Variants in TIMELESS observed in about 807,000 individuals in gnomAD.
The protein encoded by TIMELESS is timeless circadian regulator, also known as protein timeless homolog.
In TIMELESS, 124 loss-of-function variants were observed where a neutral mutation model predicts 164.3. That is an observed-to-expected ratio of 0.75 (90% confidence interval 0.65 to 0.88). TIMELESS has a LOEUF of 0.88. Ranked by LOEUF, TIMELESS falls within the 40% of genes least tolerant of loss-of-function variation. The pLI is 0.00. For missense variants in TIMELESS, 1,422 were observed against 1,491.4 expected (o/e 0.95, Z 0.77); for synonymous variants, 564 against 563.4 (o/e 1.00, Z -0.02).
At chr12:56,442,338 T>C (rs918881359) in intron 1 of TIMELESS, among the ~76,000 whole-genome samples, 2 of 152,106 alleles carry the variant, frequency 1.3e-5, no homozygotes, top group African/African-American at 4.8e-5. Context: ...GAACTGCCAG[T>C]GCAAAACCAA....
chr12:56,439,768 C>T (rs1340107794), intron 1 of TIMELESS, among the ~76,000 whole-genome samples: 3 of 152,168 alleles, frequency 2.0e-5, no homozygotes, highest in African/African-American at 7.2e-5. Context: ...TTATAAACAA[C>T]ACTCCACACA....
At chr12:56,428,832 C>G (rs766592765) in intron 11 of TIMELESS, 51 bp downstream of exon 11, 1 of 1,587,832 alleles carries the variant, frequency 6.3e-7, no homozygotes, top group East Asian at 2.2e-5. Flanking sequence ...AGCCAGAATT[C>G]AAGCATTCAG....
At chr12:56,428,157 T>C (rs1881734679) in intron 13 of TIMELESS, 79 bp downstream of exon 13, 1 of 1,411,230 alleles carries the variant, frequency 7.1e-7, no homozygotes, top group Non-Finnish European at 9.6e-7. Flanking sequence ...ACTTAAGCTG[T>C]ACAAACTGTG....
In TIMELESS at chr12:56,423,318, G is replaced by A. The variant is rs767552466; in HGVS notation, c.2248C>T (p.Leu750Phe). Reference sequence around the variant, plus strand: ...GGGTCACTAAGCAGACGATTGAAGAGGCAGAAGACTGACAGCTGAAAAAGT... The same window carrying A: ...GGGTCACTAAGCAGACGATTGAAGAAGCAGAAGACTGACAGCTGAAAAAGT... The part of the protein sequence containing the change: ...ALLFQLSVFC[L>F]FNRLLSDPAA... Residue 750 changes from leucine (L) to phenylalanine (F), a missense_variant, in exon 18 of 29, where the codon CTC becomes TTC. Transcript: ENST00000553532. 1.2e-6 allele frequency: 2 copies of A among 1,614,176 alleles called. No homozygotes were observed. The highest frequency in any genetic ancestry group is 2.2e-5 in the East Asian group (1 of 44,876).
chr12:56,444,017 C>G (rs938103666), intron 1 of TIMELESS, among the ~76,000 whole-genome samples: 1 of 151,866 alleles, frequency 6.6e-6, no homozygotes, highest in Non-Finnish European at 1.5e-5. Context: ...CTTGCCTCAG[C>G]TTCCCAAGTA....
chr12:56,424,377 G>A (rs760075194), intron 15 of TIMELESS, among the ~76,000 whole-genome samples: 2 of 152,132 alleles, frequency 1.3e-5, no homozygotes, highest in Non-Finnish European at 2.9e-5. Flanking sequence ...TTAAAGTTAA[G>A]TCCGCCCTTA....
chr12:56,443,700 C>T (rs73326269), intron 1 of TIMELESS, among the ~76,000 whole-genome samples: 11,231 of 152,152 alleles, frequency 0.074, 1,359 homozygotes, highest in African/African-American at 0.25. Context: ...CCTACCAATA[C>T]GTGATGGCAC....
intron 4 of TIMELESS, 45 bp from the exon 5 acceptor site, chr12:56,433,488 T>G: frequency 6.2e-7 from 1 of 1,614,006 alleles, no homozygotes; most frequent in Non-Finnish European, 8.5e-7. Flanking sequence ...CATCCACTTC[T>G]TCACCACTGC....
chr12:56,425,984 G>C (rs1402483155), intron 13 of TIMELESS, among the ~76,000 whole-genome samples: 20 of 152,134 alleles, frequency 1.3e-4, no homozygotes, highest in Admixed American at 1.3e-3. Flanking sequence ...CTTTGGTGTG[G>C]GTACTGAAAA....
intron 13 of TIMELESS, among the ~76,000 whole-genome samples, chr12:56,427,032 C>T (rs1181416243): frequency 1.3e-5 from 2 of 152,198 alleles, no homozygotes; most frequent in East Asian, 1.9e-4. Context: ...TCACAGCTCA[C>T]TGCATCCTCA....
At chr12:56,449,098 C>A (rs7958609) in intron 1 of TIMELESS, among the ~76,000 whole-genome samples, 4,512 of 152,340 alleles carry the variant, frequency 0.03, 240 homozygotes, top group African/African-American at 0.1. Context: ...CAGCGTAGGG[C>A]TAAGCCCGCG....
intron 1 of TIMELESS, among the ~76,000 whole-genome samples, chr12:56,446,239 T>C (rs1248118573): frequency 6.6e-6 from 1 of 152,198 alleles, no homozygotes; most frequent in South Asian, 2.1e-4. Context: ...GTTACCTGAT[T>C]TAGGCATATA....
chr12:56,423,459 C>T lies in TIMELESS; in HGVS notation c.2107G>A (p.Val703Ile). ...AGTAGCAGCACATAGGCTCGAACGA[C>T]AGTTGAACATGCAAAGCTGCACCAA... ...DYLKRFACST[V>I]VRAYVLLLRS... Residue 703 changes from valine (V) to isoleucine (I), a missense_variant, in exon 18 of 29, where the codon GTC (valine) becomes ATC (isoleucine). Val to Ile is a conservative substitution (Grantham distance 29). Coordinates refer to ENST00000553532, the MANE Select transcript of TIMELESS (RefSeq NM_003920.5). 1 of 1,614,096 alleles carries T rather than the reference C, an allele frequency of 6.2e-7. No homozygotes were observed. The highest frequency in any genetic ancestry group is 1.3e-5 in the African/African-American group (1 of 75,014).
At chr12:56,446,698 G>A (rs1868355112) in intron 1 of TIMELESS, among the ~76,000 whole-genome samples, 2 of 152,066 alleles carry the variant, frequency 1.3e-5, no homozygotes, top group Non-Finnish European at 2.9e-5. Context: ...CAGGTGTGGT[G>A]GTGGGTGCCT....
At chr12:56,439,854 T>C (rs1188824972) in intron 1 of TIMELESS, among the ~76,000 whole-genome samples, 1 of 152,230 alleles carries the variant, frequency 6.6e-6, no homozygotes, top group African/African-American at 2.4e-5. Context: ...TAAAATACTG[T>C]CCTTCAAATT....
At position 56,428,225 on chromosome 12, in the gene TIMELESS, C is replaced by A; in HGVS notation, c.1578+11G>T. On this transcript the variant is annotated intron_variant, in intron 13 of 28. Transcript: ENST00000553532. ...TTACAGCTCTTTCTACATTGTGGGG[C>A]TGCCCAGTACCTGCACCACCAGGTT... 6.3e-7 allele frequency: 1 copy of A among 1,575,030 alleles called. No homozygotes were observed. Among genetic ancestry groups the A allele is most frequent in the Non-Finnish European group, 8.6e-7 (1 of 1,158,000 alleles).
At chr12:56,433,286 C>T in intron 5 of TIMELESS, 95 bp downstream of exon 5, 1 of 1,471,312 alleles carries the variant, frequency 6.8e-7, no homozygotes, top group African/African-American at 1.4e-5. Context: ...ACCACATCCC[C>T]AAGGACTGGG....
intron 1 of TIMELESS, among the ~76,000 whole-genome samples, chr12:56,435,552 G>A (rs11171847): frequency 0.48 from 73,414 of 151,972 alleles, 18,519 homozygotes; most frequent in Non-Finnish European, 0.55. Context: ...GGCCAGGTGC[G>A]GTGGCATCCC....
rs903597360 is a variant in TIMELESS at position 56,447,199 on chromosome 12, T to G, written c.-62+2111A>C. Among the ~76,000 whole-genome samples, 202 of 148,038 alleles carry G rather than the reference T, an allele frequency of 1.4e-3. 1 individual carries two copies. Among genetic ancestry groups the G allele is most frequent in the African/African-American group, 4.5e-3 (182 of 40,480 alleles). Reference sequence around the variant, plus strand: ...TAATTTTTGTTTTTTTTTTTTTTTTTTTTTTTTTTTAGTAGAGATAGGAAT... The same window carrying G: ...TAATTTTTGTTTTTTTTTTTTTTTTGTTTTTTTTTTAGTAGAGATAGGAAT... On this transcript the variant is annotated intron_variant, in intron 1 of 28. Coordinates refer to ENST00000553532, the MANE Select transcript of TIMELESS (RefSeq NM_003920.5).
Sources: gnomAD v4.1 joint callset for allele counts (sites outside exome capture counted in the v4.1 genomes callset) on GRCh38, gnomAD v4.1.1 for gene constraint, MANE v1.5 for transcripts, NCBI Gene and HGNC (gene_info 2026-07-23, HGNC 2026-07-21) for gene names.